OXSR1: variants seen among roughly 807,000 people sequenced by gnomAD.
The protein encoded by OXSR1 is oxidative stress responsive kinase 1.
OXSR1 carries 24 observed loss-of-function variants against 79.8 expected under a neutral mutation model. That is an observed-to-expected ratio of 0.30 (90% CI 0.22 to 0.42). The LOEUF (loss-of-function observed/expected upper bound fraction) is 0.42, where lower values mean the gene tolerates loss of function less well. OXSR1 is among the 10% of genes least tolerant of loss of function. OXSR1 has a pLI of 1.00. For missense variants in OXSR1, 430 were observed against 618.4 expected, an observed-to-expected ratio of 0.70 and a Z score of 3.23; for synonymous variants, 226 against 209.2, an observed-to-expected ratio of 1.08 and a Z score of -0.69.
intron 1 of OXSR1, among the ~76,000 whole-genome samples, chr3:38,179,423 T>G (rs1701739808): frequency 1.3e-5 from 2 of 151,980 alleles, no homozygotes; most frequent in Non-Finnish European, 2.9e-5. Context: ...CGCCTTGGCC[T>G]CCCAAAGTGT....
chr3:38,218,309 C>T (rs146797677), intron 5 of OXSR1, among the ~76,000 whole-genome samples: 43 of 151,806 alleles, frequency 2.8e-4, no homozygotes, highest in African/African-American at 1.0e-3. Context: ...TCCTCACCAA[C>T]GCTTGTTAGT....
At chr3:38,218,956 T>C (rs1702537269) in intron 5 of OXSR1, among the ~76,000 whole-genome samples, 1 of 152,226 alleles carries the variant, frequency 6.6e-6, no homozygotes, top group East Asian at 1.9e-4. Context: ...AAAGTCCATC[T>C]TGAACTTTAA....
At chr3:38,178,620 A>ATATATAT (rs1265646743) in intron 1 of OXSR1, among the ~76,000 whole-genome samples, 3 of 95,126 alleles carry the variant, frequency 3.2e-5, no homozygotes, top group African/African-American at 8.9e-5. Flanking sequence ...ATATATATAT[A>ATATATAT]TTTTTTTTTT....
intron 12 of OXSR1, among the ~76,000 whole-genome samples, chr3:38,245,552 G>A (rs573818488): frequency 3.5e-4 from 53 of 152,244 alleles, no homozygotes; most frequent in African/African-American, 1.1e-3. Flanking sequence ...TTTTGGAGGT[G>A]CTGTTTTGCT....
At chr3:38,213,346 C>A (rs974808149) in intron 4 of OXSR1, among the ~76,000 whole-genome samples, 4 of 152,088 alleles carry the variant, frequency 2.6e-5, no homozygotes, top group Non-Finnish European at 4.4e-5. Flanking sequence ...TGTATACATT[C>A]CAGTAGAGTG....
chr3:38,203,198 T>G (rs1250709624), intron 4 of OXSR1, among the ~76,000 whole-genome samples: 1 of 152,238 alleles, frequency 6.6e-6, no homozygotes, highest in East Asian at 1.9e-4. Context: ...CGTATGCTAC[T>G]GTCTCTCTCT....
intron 1 of OXSR1, among the ~76,000 whole-genome samples, chr3:38,180,511 C>T (rs1466552205): frequency 6.9e-6 from 1 of 144,728 alleles, no homozygotes; most frequent in Admixed American, 7.0e-5. Flanking sequence ...TGGCTCATGT[C>T]TGTATAGCTC....
At chr3:38,236,146 T>C (rs1368323833) in intron 10 of OXSR1, among the ~76,000 whole-genome samples, 6 of 152,204 alleles carry the variant, frequency 3.9e-5, no homozygotes, top group Non-Finnish European at 7.3e-5. Flanking sequence ...ATGATATATA[T>C]AATCATGTTA....
At chr3:38,166,099 G>T (rs570977948) in intron 1 of OXSR1, among the ~76,000 whole-genome samples, 153 bp downstream of exon 1, 9 of 151,978 alleles carry the variant, frequency 5.9e-5, no homozygotes, top group African/African-American at 1.9e-4. Context: ...TTGTGTCGAG[G>T]AGCGCGTGTG....
chr3:38,195,679 G>A (rs140290644), intron 3 of OXSR1, among the ~76,000 whole-genome samples: 1 of 152,266 alleles, frequency 6.6e-6, no homozygotes, highest in East Asian at 1.9e-4. Flanking sequence ...TCATTACTTT[G>A]ATTGAGTTAT....
intron 3 of OXSR1, among the ~76,000 whole-genome samples, chr3:38,198,157 A>G (rs996256718): frequency 6.6e-6 from 1 of 152,216 alleles, no homozygotes; most frequent in African/African-American, 2.4e-5. Flanking sequence ...CTGGACTGTT[A>G]CTTAAAAAGA....
chr3:38,229,959 G>A (rs867705086), intron 9 of OXSR1, among the ~76,000 whole-genome samples: 2 of 152,158 alleles, frequency 1.3e-5, no homozygotes, highest in South Asian at 4.1e-4. Context: ...TAGGAACAAT[G>A]ATTATTAAAT....
chr3:38,225,516 T>C (rs1417214229), intron 8 of OXSR1, among the ~76,000 whole-genome samples: 1 of 152,094 alleles, frequency 6.6e-6, no homozygotes, highest in Non-Finnish European at 1.5e-5. Context: ...GTTGGAAATA[T>C]TGGAAAGGGT....
At chr3:38,252,071 A>T (rs1703269309) in intron 16 of OXSR1, among the ~76,000 whole-genome samples, 3 of 152,212 alleles carry the variant, frequency 2.0e-5, no homozygotes, top group South Asian at 2.1e-4. Flanking sequence ...TCAGGAAATC[A>T]TACCTCTTTT....
intron 5 of OXSR1, among the ~76,000 whole-genome samples, chr3:38,218,343 G>A (rs1004349680): frequency 6.6e-6 from 1 of 151,586 alleles, no homozygotes; most frequent in Admixed American, 6.6e-5. Context: ...GTTTTTTCAG[G>A]TGGTAGCCAT....
At chr3:38,206,032 C>T (rs936038372) in intron 4 of OXSR1, among the ~76,000 whole-genome samples, 1 of 152,152 alleles carries the variant, frequency 6.6e-6, no homozygotes, top group African/African-American at 2.4e-5. Context: ...GAAATAAATA[C>T]ATTTTTGTTC....
At chr3:38,229,577 A>G in intron 8 of OXSR1, 110 bp from the exon 9 acceptor site, 1 of 778,644 alleles carries the variant, frequency 1.3e-6, no homozygotes, top group Non-Finnish European at 2.2e-6. Flanking sequence ...GAGTATACTG[A>G]GTTTTTATTT....
intron 11 of OXSR1, among the ~76,000 whole-genome samples, chr3:38,238,199 A>G (rs1466485111): frequency 6.6e-6 from 1 of 152,074 alleles, no homozygotes; most frequent in Non-Finnish European, 1.5e-5. Context: ...AGTATTTTTC[A>G]TGTTATCTTT....
In OXSR1 at chr3:38,218,332, TG is replaced by T. The variant is rs551656473; in HGVS notation, c.490+2182del. ...AACGCTTGTTAGTTTCTGGGTTTTT[TG>T]TTTTTTCAGGTGGTAGCCATTCTAA... On this transcript the variant is annotated intron_variant, in intron 5 of 17. Coordinates refer to ENST00000311806, the MANE Select transcript of OXSR1 (RefSeq NM_005109.3). Among the ~76,000 whole-genome samples, 9 of 152,312 alleles carry T rather than the reference TG, an allele frequency of 5.9e-5. No homozygotes were observed. The South Asian group carries it at 1.7e-3, about 28-fold the overall frequency.
Sources: gnomAD v4.1 joint callset for allele counts (sites outside exome capture counted in the v4.1 genomes callset) on GRCh38, gnomAD v4.1.1 for gene constraint, MANE v1.5 for transcripts, NCBI Gene and HGNC (gene_info 2026-07-23, HGNC 2026-07-21) for gene names.